BEND7: variants seen among roughly 807,000 people sequenced by gnomAD.
BEND7 encodes the protein BEN domain-containing protein 7.
A neutral mutation model predicts 50.9 loss-of-function variants in BEND7; 28 were observed. The observed-to-expected ratio is 0.55, with a 90% CI of 0.41 to 0.75. The LOEUF (loss-of-function observed/expected upper bound fraction) is 0.75, where lower values mean the gene tolerates loss of function less well. Ranked by LOEUF, BEND7 falls within the 30% of genes least tolerant of loss-of-function variation. The pLI, the probability that BEND7 is intolerant of heterozygous loss-of-function variation, is 0.00. For missense variants in BEND7, 477 were observed against 491.3 expected (o/e 0.97, Z 0.28); for synonymous variants, 170 against 183.9 (o/e 0.92, Z 0.61).
At chr10:13,487,478 C>T (rs1411588221) in intron 5 of BEND7, among the ~76,000 whole-genome samples, 2 of 151,600 alleles carry the variant, frequency 1.3e-5, no homozygotes, top group African/African-American at 2.4e-5. Flanking sequence ...CCTCTGCCTC[C>T]CAGGTTCAAG....
At chr10:13,439,204 G>C (rs768612275), downstream of BEND7, 19 of 1,613,942 alleles carry the variant, frequency 1.2e-5, no homozygotes, top group East Asian at 4.0e-4. Flanking sequence ...TGAAGGGTAA[G>C]AGACTTGGCT....
At chr10:13,472,335 C>A (rs1184866652) in intron 6 of BEND7, among the ~76,000 whole-genome samples, 4 of 151,500 alleles carry the variant, frequency 2.6e-5, no homozygotes, top group Non-Finnish European at 5.9e-5. Context: ...CTCTTAGACT[C>A]AGGGCCAACA....
intron 3 of BEND7, 111 bp from the exon 4 acceptor site, chr10:13,496,999 G>T: frequency 7.6e-7 from 1 of 1,311,274 alleles, no homozygotes; most frequent in Non-Finnish European, 1.0e-6. Context: ...TTTGAAGCAT[G>T]TGCAATTATG....
intron 6 of BEND7, among the ~76,000 whole-genome samples, chr10:13,457,580 G>T (rs952210212): frequency 1.3e-5 from 2 of 152,218 alleles, no homozygotes; most frequent in African/African-American, 4.8e-5. Flanking sequence ...AAACTTAAAA[G>T]AGACTTTTAA....
At chr10:13,499,640 C>T (rs1443458557) in intron 3 of BEND7, 138 bp downstream of exon 3, 3 of 1,057,252 alleles carry the variant, frequency 2.8e-6, no homozygotes, top group East Asian at 2.5e-5. Context: ...TTTGTGTCTC[C>T]CTGTCTTTTA....
chr10:13,457,229 C>T (rs989476576), intron 6 of BEND7, among the ~76,000 whole-genome samples: 1 of 152,166 alleles, frequency 6.6e-6, no homozygotes, highest in Non-Finnish European at 1.5e-5. Flanking sequence ...CCACATTGAA[C>T]GATTCCCACG....
intron 2 of BEND7, among the ~76,000 whole-genome samples, chr10:13,501,335 T>C (rs1165101251): frequency 2.3e-5 from 3 of 132,292 alleles, no homozygotes; most frequent in South Asian, 2.3e-4. Context: ...GATGGCACCA[T>C]TGCATTCCAG....
chr10:13,513,702 T>C lies in BEND7; in HGVS notation c.145+12436A>G, dbSNP rs559883073. ...GCTCCCCTCCCATTCTACTCCACCCTGAAGCTAGAGTGATCTTTCAAAAAT... is the reference window on the plus strand; with the variant it reads ...GCTCCCCTCCCATTCTACTCCACCCCGAAGCTAGAGTGATCTTTCAAAAAT... On this transcript the variant is annotated intron_variant, in intron 2 of 8. Coordinates refer to ENST00000466271, the MANE Select transcript of BEND7 (RefSeq NM_001369863.1). Among the ~76,000 whole-genome samples, 5 of 152,320 alleles carry C rather than the reference T, an allele frequency of 3.3e-5. No individual in the cohort carries two copies. The East Asian group carries it at 9.7e-4, about 29-fold the overall frequency.
At chr10:13,450,988 G>A (rs1053306423) in intron 7 of BEND7, among the ~76,000 whole-genome samples, 4 of 152,012 alleles carry the variant, frequency 2.6e-5, no homozygotes, top group African/African-American at 9.7e-5. Flanking sequence ...TGGGACAGGG[G>A]AAGGGAATAG....
At chr10:13,445,040 G>A (rs1339003975) in intron 8 of BEND7, 4 of 152,034 alleles carry the variant, frequency 2.6e-5, no homozygotes, top group Admixed American at 6.6e-5. Flanking sequence ...GGATGGTCTC[G>A]ATCTCCTGAC....
At chr10:13,510,355 G>C (rs527897245) in intron 2 of BEND7, among the ~76,000 whole-genome samples, 1 of 152,242 alleles carries the variant, frequency 6.6e-6, no homozygotes, top group South Asian at 2.1e-4. Context: ...ATAGGCTGTT[G>C]GTAGGGATGT....
At chr10:13,492,545 T>C (rs964129563) in intron 5 of BEND7, 66 bp downstream of exon 5, 1 of 1,579,270 alleles carries the variant, frequency 6.3e-7, no homozygotes, top group Non-Finnish European at 8.6e-7. Flanking sequence ...GGGAAATCTA[T>C]AAATACTATA....
At chr10:13,506,929 A>C (rs1205683208) in intron 2 of BEND7, among the ~76,000 whole-genome samples, 2 of 152,290 alleles carry the variant, frequency 1.3e-5, no homozygotes, top group Non-Finnish European at 2.9e-5. Flanking sequence ...AAAAACATGC[A>C]TGCAAGGGAG....
chr10:13,465,784 C>G (rs1293893431), intron 6 of BEND7, among the ~76,000 whole-genome samples: 1 of 152,102 alleles, frequency 6.6e-6, no homozygotes, highest in Non-Finnish European at 1.5e-5. Context: ...ACAGTGCTCC[C>G]TTTGTTATCC....
chr10:13,471,009 G>A (rs184000788), intron 6 of BEND7, among the ~76,000 whole-genome samples: 44 of 152,224 alleles, frequency 2.9e-4, no homozygotes, highest in East Asian at 9.6e-4. Context: ...CCATTCTCTC[G>A]GCATTTGATA....
intron 3 of BEND7, among the ~76,000 whole-genome samples, chr10:13,497,652 T>C (rs2077120591): frequency 6.6e-6 from 1 of 152,198 alleles, no homozygotes; most frequent in Admixed American, 6.5e-5. Flanking sequence ...GTTTCTCTCA[T>C]AGGTAAGCAA....
At chr10:13,495,902 A>G (rs974941193) in intron 4 of BEND7, among the ~76,000 whole-genome samples, 2 of 152,224 alleles carry the variant, frequency 1.3e-5, no homozygotes, top group African/African-American at 4.8e-5. Flanking sequence ...TCAAGTGGTG[A>G]TGTCCCTTGA....
intron 6 of BEND7, among the ~76,000 whole-genome samples, chr10:13,473,426 C>T (rs937526966): frequency 3.8e-4 from 53 of 139,668 alleles, no homozygotes; most frequent in East Asian, 6.6e-4. Context: ...GGCCGACATC[C>T]GTCATCACTG....
intron 6 of BEND7, among the ~76,000 whole-genome samples, chr10:13,453,211 G>C (rs1173035473): frequency 6.6e-6 from 1 of 152,076 alleles, no homozygotes; most frequent in Non-Finnish European, 1.5e-5. Context: ...GCCCGATTCA[G>C]CACAAAGGGG....
Sources: gnomAD v4.1 joint callset for allele counts (sites outside exome capture counted in the v4.1 genomes callset) on GRCh38, gnomAD v4.1.1 for gene constraint, MANE v1.5 for transcripts, NCBI Gene and HGNC (gene_info 2026-07-23, HGNC 2026-07-21) for gene names.